The following CLSTN2 variants were observed in gnomAD, a reference collection of about 807,000 sequenced individuals.
CLSTN2 encodes calsyntenin 2.
CLSTN2 carries 48 observed loss-of-function variants against 101.2 expected under a neutral mutation model. That is an observed-to-expected ratio of 0.47 (90% CI 0.38 to 0.60). The LOEUF (loss-of-function observed/expected upper bound fraction) is 0.60, where lower values mean the gene tolerates loss of function less well. Ranked by LOEUF, CLSTN2 falls within the 20% of genes least tolerant of loss-of-function variation. CLSTN2 has a pLI of 0.00. For synonymous variants in CLSTN2, 481 were observed against 463.6 expected (o/e 1.04, Z -0.48); for missense variants, 1,160 against 1,238.2 (o/e 0.94, Z 0.95).
chr3:140,448,629 G>C lies in CLSTN2; in HGVS notation c.898G>C (p.Glu300Gln). 6.2e-7 allele frequency: 1 copy of C among 1,614,162 alleles called. No homozygotes were observed. Among genetic ancestry groups the C allele is most frequent in the Non-Finnish European group, 8.5e-7 (1 of 1,180,006 alleles). ...GAVSSLQIVTELQTNYIGKGC... is the reference protein window; with the variant it reads ...GAVSSLQIVTQLQTNYIGKGC... The stretch of plus-strand genomic sequence containing the variant: ...CGTGTCTTCCCTCCAGATCGTCACA[G>C]AGCTGCAGACTAATTACATTGGGAA... Residue 300 changes from glutamate (E) to glutamine (Q), a missense_variant, in exon 6 of 17, where the codon GAG (glutamate) becomes CAG (glutamine). Glu to Gln is a conservative substitution (Grantham distance 29). Coordinates refer to ENST00000458420, the MANE Select transcript of CLSTN2 (RefSeq NM_022131.3).
chr3:140,064,651 T>G (rs986205423), intron 1 of CLSTN2, among the ~76,000 whole-genome samples: 1 of 152,184 alleles, frequency 6.6e-6, no homozygotes, highest in Non-Finnish European at 1.5e-5. Flanking sequence ...AATGAAAGCA[T>G]CCAACACAAG....
intron 4 of CLSTN2, among the ~76,000 whole-genome samples, chr3:140,415,062 G>A (rs1002489496): frequency 7.3e-5 from 11 of 151,298 alleles, no homozygotes. Context: ...TTTCACCAAA[G>A]CCACCAAGAA....
At chr3:140,197,585 C>T (rs576806241) in intron 2 of CLSTN2, among the ~76,000 whole-genome samples, 1 of 152,252 alleles carries the variant, frequency 6.6e-6, no homozygotes, top group African/African-American at 2.4e-5. Flanking sequence ...CGCTGGTTCT[C>T]AACTGAGGGT....
intron 8 of CLSTN2, among the ~76,000 whole-genome samples, chr3:140,480,207 C>G (rs1934083724): frequency 6.6e-6 from 1 of 151,258 alleles, no homozygotes; most frequent in Non-Finnish European, 1.5e-5. Flanking sequence ...TTGGTTTTTT[C>G]TCCTTGCGAT....
intron 1 of CLSTN2, among the ~76,000 whole-genome samples, chr3:140,127,070 A>G (rs1333532516): frequency 9.3e-6 from 1 of 107,232 alleles, no homozygotes; most frequent in Admixed American, 9.1e-5. Flanking sequence ...TCATATATAT[A>G]TATGTCATTC....
intron 2 of CLSTN2, among the ~76,000 whole-genome samples, chr3:140,260,160 T>C (rs2086639291): frequency 6.7e-6 from 1 of 148,240 alleles, no homozygotes; most frequent in Non-Finnish European, 1.5e-5. Flanking sequence ...ATATATATTA[T>C]ATATAAAATA....
At chr3:140,057,607 C>T (rs2008120377) in intron 1 of CLSTN2, among the ~76,000 whole-genome samples, 1 of 152,140 alleles carries the variant, frequency 6.6e-6, no homozygotes, top group Non-Finnish European at 1.5e-5. Context: ...TTAATTGCAT[C>T]CTCGAGAGCA....
intron 1 of CLSTN2, among the ~76,000 whole-genome samples, chr3:139,955,841 G>A (rs907811091): frequency 6.6e-6 from 1 of 152,226 alleles, no homozygotes; most frequent in Non-Finnish European, 1.5e-5. Context: ...CCCCGGAGGT[G>A]GGCAGCATGC....
intron 2 of CLSTN2, among the ~76,000 whole-genome samples, chr3:140,211,749 C>T (rs1452193760): frequency 6.6e-6 from 1 of 151,976 alleles, no homozygotes; most frequent in Non-Finnish European, 1.5e-5. Flanking sequence ...ACCCCTTACC[C>T]TATTTGACCA....
intron 1 of CLSTN2, among the ~76,000 whole-genome samples, chr3:140,078,654 AGCTTTCCC>A (rs1211576113): frequency 4.6e-5 from 7 of 152,196 alleles, no homozygotes; most frequent in Non-Finnish European, 1.0e-4. Flanking sequence ...GTTAATGGTA[AGCTTTCCC>A]ACTGCTAATG....
chr3:140,387,142 T>C (rs2088062465), intron 2 of CLSTN2, among the ~76,000 whole-genome samples: 1 of 152,002 alleles, frequency 6.6e-6, no homozygotes, highest in Non-Finnish European at 1.5e-5. Context: ...AGAAAAAAGA[T>C]GGGTGAACAC....
intron 1 of CLSTN2, among the ~76,000 whole-genome samples, chr3:139,936,105 G>A (rs1032366789): frequency 1.3e-5 from 2 of 152,170 alleles, no homozygotes; most frequent in Non-Finnish European, 2.9e-5. Flanking sequence ...ACCGAGGACC[G>A]AGGAGCCTAA....
chr3:140,315,875 G>A (rs1165372443), intron 2 of CLSTN2, among the ~76,000 whole-genome samples: 2 of 152,158 alleles, frequency 1.3e-5, no homozygotes, highest in Non-Finnish European at 2.9e-5. Flanking sequence ...AGGGTAGGTA[G>A]GATAAAAGGT....
intron 8 of CLSTN2, among the ~76,000 whole-genome samples, chr3:140,502,623 G>A (rs1463844552): frequency 2.0e-5 from 3 of 152,218 alleles, no homozygotes; most frequent in Admixed American, 6.5e-5. Flanking sequence ...AGCACATTGT[G>A]CCTGGCATCT....
intron 1 of CLSTN2, among the ~76,000 whole-genome samples, chr3:140,001,393 TGCC>T (rs1037416191): frequency 6.6e-6 from 1 of 152,264 alleles, no homozygotes; most frequent in African/African-American, 2.4e-5. Context: ...GAGTTCCAAA[TGCC>T]TTTTAAAACT....
chr3:140,348,122 A>G (rs2087567984), intron 2 of CLSTN2, among the ~76,000 whole-genome samples: 2 of 152,158 alleles, frequency 1.3e-5, no homozygotes, highest in Admixed American at 1.3e-4. Flanking sequence ...TCAAGTATGG[A>G]GCTTTGACCT....
Position 140,562,867 on chromosome 3 carries a change from T to C in CLSTN2, c.2269T>C (p.Trp757Arg). 1.2e-6 allele frequency: 2 copies of C among 1,614,166 alleles called. No homozygotes were observed. The highest frequency in any genetic ancestry group is 1.1e-5 in the South Asian group (1 of 91,078). Residue 757 changes from tryptophan (W) to arginine (R), a missense_variant, in exon 14 of 17, where the codon TGG (tryptophan) becomes CGG (arginine). Coordinates refer to ENST00000458420, the MANE Select transcript of CLSTN2 (RefSeq NM_022131.3). Reference protein sequence around the residue: ...QVLHHIRYRNWRPASLEARRF... With the variant: ...QVLHHIRYRNRRPASLEARRF... ...GCTACATCACATCCGCTACCGCAAC[T>C]GGCGTCCGGCTTCCCTTGAGGCCCG...
chr3:140,108,540 A>G (rs1029455659), intron 1 of CLSTN2, among the ~76,000 whole-genome samples: 2 of 151,804 alleles, frequency 1.3e-5, no homozygotes, highest in African/African-American at 4.8e-5. Flanking sequence ...TGAATTTTTT[A>G]TTTGTTTTTG....
At position 140,216,201 on chromosome 3, in the gene CLSTN2, G is replaced by A. The variant is rs150610249; in HGVS notation, c.232+40128G>A. Among the ~76,000 whole-genome samples, 14 of 152,224 alleles carry A rather than the reference G, an allele frequency of 9.2e-5. No homozygotes were observed. In the East Asian group the frequency reaches 2.1e-3, roughly 23 times the overall value. On this transcript the variant is annotated intron_variant, in intron 2 of 16. Coordinates refer to ENST00000458420, the MANE Select transcript of CLSTN2 (RefSeq NM_022131.3). Reference sequence around the variant, plus strand: ...ATCTGAGGTGGAACTGTTTCATCCCGAAACAACCCGCCTCCCACCCCCATC... The same window carrying A: ...ATCTGAGGTGGAACTGTTTCATCCCAAAACAACCCGCCTCCCACCCCCATC...
Sources: gnomAD v4.1 joint callset for allele counts (sites outside exome capture counted in the v4.1 genomes callset) on GRCh38, gnomAD v4.1.1 for gene constraint, MANE v1.5 for transcripts, NCBI Gene and HGNC (gene_info 2026-07-23, HGNC 2026-07-21) for gene names.